TMED10: variants seen among roughly 807,000 people sequenced by gnomAD.
TMED10 encodes the protein transmembrane emp24 domain-containing protein 10.
Under a neutral mutation model 23.1 loss-of-function variants are expected in TMED10, and 7 were observed. The ratio of observed to expected loss-of-function variants is 0.30; its 90% CI spans 0.17 to 0.57. The LOEUF (loss-of-function observed/expected upper bound fraction) is 0.57, where lower values mean the gene tolerates loss of function less well. TMED10 is among the 20% of genes least tolerant of loss of function. The pLI, the probability that TMED10 is intolerant of heterozygous loss-of-function variation, is 0.91. For missense variants in TMED10, 162 were observed against 274.8 expected (o/e 0.59, Z 2.90); for synonymous variants, 113 against 106.9 (o/e 1.06, Z -0.35).
At chr14:75,137,514 TAA>T (rs1214366100) in intron 3 of TMED10, among the ~76,000 whole-genome samples, 1 of 135,418 alleles carries the variant, frequency 7.4e-6, no homozygotes, top group Non-Finnish European at 1.6e-5. Flanking sequence ...CTACTAAAAA[TAA>T]AAAAAAAAAA....
Position 75,131,945 on chromosome 14 carries a change from C to G in TMED10, c.*2940G>C, listed in dbSNP as rs1212519785. On this transcript the variant is annotated 3_prime_UTR_variant, in exon 5 of 5. Coordinates refer to ENST00000303575, the MANE Select transcript of TMED10 (RefSeq NM_006827.6). ...TCAACGAAATAAAATATTCTCTTCTCCTATCTTCTTGACATTTTGTCACAT... is the reference window on the plus strand; with the variant it reads ...TCAACGAAATAAAATATTCTCTTCTGCTATCTTCTTGACATTTTGTCACAT... The G allele has an allele frequency of 2.6e-5, 4 of 152,248 alleles. No homozygotes were observed. The highest frequency in any genetic ancestry group is 2.6e-4 in the Admixed American group (4 of 15,272). The allele number at this position is 152,248 out of a possible 1,614,324, so 9.4% of individuals were successfully genotyped here.
intron 1 of TMED10, among the ~76,000 whole-genome samples, chr14:75,158,307 A>C (rs146944404): frequency 3.3e-5 from 5 of 152,256 alleles, no homozygotes; most frequent in South Asian, 2.1e-4. Context: ...AAACTGAAAG[A>C]AGCAGCATAA....
chr14:75,156,349 C>T (rs953863178), intron 1 of TMED10, among the ~76,000 whole-genome samples: 2 of 151,526 alleles, frequency 1.3e-5, no homozygotes, highest in Admixed American at 1.3e-4. Context: ...TATGTAATTA[C>T]AAAAAAGTTT....
Position 75,134,703 on chromosome 14 carries a change from C to T in TMED10, c.*182G>A, listed in dbSNP as rs1199852914. ...AATCCTACCAAATTAAAAAGAAGTC[C>T]CTCATTGACTTGTTGGGTGTAGGTG... On this transcript the variant is annotated 3_prime_UTR_variant, in exon 5 of 5. Transcript: ENST00000303575. 5 of 658,380 alleles carry T rather than the reference C, an allele frequency of 7.6e-6. No individual in the cohort carries two copies. Among genetic ancestry groups the T allele is most frequent in the Non-Finnish European group, 9.9e-6 (4 of 403,952 alleles). The allele number at this position is 658,380 out of a possible 1,614,324, so 40.8% of individuals were successfully genotyped here.
At position 75,132,836 on chromosome 14, in the gene TMED10, C is replaced by T. The variant is rs1895704179; in HGVS notation, c.*2049G>A. Reference sequence around the variant, plus strand: ...TGTAATTCTTGCCACTGTGATTAAACAAGCCCTGTAATAGTCAGCAGGGTT... The same window carrying T: ...TGTAATTCTTGCCACTGTGATTAAATAAGCCCTGTAATAGTCAGCAGGGTT... On this transcript the variant is annotated 3_prime_UTR_variant, in exon 5 of 5. Coordinates refer to ENST00000303575, the MANE Select transcript of TMED10 (RefSeq NM_006827.6). 6.6e-6 allele frequency: 1 copy of T among 152,526 alleles called. No homozygotes were observed. Among genetic ancestry groups the T allele is most frequent in the Non-Finnish European group, 1.5e-5 (1 of 68,036 alleles). 9.4% of individuals were successfully genotyped at this position (152,526 alleles called of 1,614,324 possible).
intron 1 of TMED10, among the ~76,000 whole-genome samples, chr14:75,169,304 T>C (rs1896201031): frequency 6.6e-6 from 1 of 152,200 alleles, no homozygotes; most frequent in African/African-American, 2.4e-5. Context: ...GAGATGTTCC[T>C]AGACAGAAAG....
At chr14:75,143,151 G>A (rs993864823) in intron 3 of TMED10, among the ~76,000 whole-genome samples, 12 of 152,072 alleles carry the variant, frequency 7.9e-5, no homozygotes, top group Non-Finnish European at 1.3e-4. Context: ...GAGCCACCGC[G>A]CCCAGCCTGC....
chr14:75,162,669 A>C (rs535311342), intron 1 of TMED10, among the ~76,000 whole-genome samples: 22 of 152,196 alleles, frequency 1.4e-4, no homozygotes, highest in Non-Finnish European at 1.3e-4. Flanking sequence ...GAAAAAAGGA[A>C]AGAAAAGAAT....
chr14:75,169,891 T>C (rs2139861393), intron 1 of TMED10, among the ~76,000 whole-genome samples: 1 of 152,164 alleles, frequency 6.6e-6, no homozygotes, highest in South Asian at 2.1e-4. Context: ...GAAGCTAAAA[T>C]GATGCATAGG....
chr14:75,166,465 A>G (rs1275893759), intron 1 of TMED10, among the ~76,000 whole-genome samples: 1 of 152,190 alleles, frequency 6.6e-6, no homozygotes, highest in Non-Finnish European at 1.5e-5. Flanking sequence ...TTACCTTTAT[A>G]TATTTGTTCC....
At chr14:75,163,550 A>C (rs12897495) in intron 1 of TMED10, among the ~76,000 whole-genome samples, 1 of 93,814 alleles carries the variant, frequency 1.1e-5, no homozygotes, top group African/African-American at 4.9e-5. Flanking sequence ...GAGACTCCGT[A>C]TCAAAAAAAA....
chr14:75,139,151 C>T (rs1416979173), intron 3 of TMED10: 1 of 452,338 alleles, frequency 2.2e-6, no homozygotes, highest in Non-Finnish European at 4.4e-6. Flanking sequence ...CTTTCCACAC[C>T]TTTTCTTCTG....
chr14:75,163,552 CAAAAAAAA>C (rs758185921), intron 1 of TMED10, among the ~76,000 whole-genome samples: 1 of 60,758 alleles, frequency 1.6e-5, no homozygotes, highest in East Asian at 7.9e-4. Flanking sequence ...GACTCCGTAT[CAAAAAAAA>C]AAAAAAAAAA....
chr14:75,135,709 A>C, intron 4 of TMED10, 51 bp downstream of exon 4: 3 of 1,594,724 alleles, frequency 1.9e-6, no homozygotes, highest in Non-Finnish European at 2.6e-6. Flanking sequence ...AAGTTTGGAG[A>C]CTGTCTCATT....
intron 1 of TMED10, among the ~76,000 whole-genome samples, chr14:75,163,129 C>A (rs561026572): frequency 3.3e-5 from 5 of 151,930 alleles, no homozygotes; most frequent in African/African-American, 1.2e-4. Flanking sequence ...GTGGTCCCAG[C>A]TACTCAGAAG....
At position 75,134,999 on chromosome 14, in the gene TMED10, T is replaced by C. The variant is rs775115843; in HGVS notation, c.546A>G (p.Thr182=). 3 of 1,613,882 alleles carry C rather than the reference T, an allele frequency of 1.9e-6. No homozygotes were observed. The Admixed American group carries it at 5.0e-5, about 27-fold the overall frequency. ...TGCTGAAGTATAGGACCCGAGTGTTTGTTGACTCTAAAAAAAAACAAAAGC... is the reference window on the plus strand; with the variant it reads ...TGCTGAAGTATAGGACCCGAGTGTTCGTTGACTCTAAAAAAAAACAAAAGC... ...EEEMRDTNES[T]NTRVLYFSIF... is the part of the protein sequence containing the mutation. Residue 182 remains threonine (T), a synonymous_variant, in exon 5 of 5, where the codon ACA becomes ACG. Transcript: ENST00000303575.
chr14:75,157,684 A>C (rs1262820336), intron 1 of TMED10, among the ~76,000 whole-genome samples: 1 of 151,892 alleles, frequency 6.6e-6, no homozygotes, highest in African/African-American at 2.4e-5. Context: ...CACACCTGTA[A>C]TCCCAGCACT....
At chr14:75,154,733 G>A (rs1896001218) in intron 1 of TMED10, among the ~76,000 whole-genome samples, 1 of 151,832 alleles carries the variant, frequency 6.6e-6, no homozygotes, top group African/African-American at 2.4e-5. Flanking sequence ...ATGCGATCTC[G>A]GCTTACTGCA....
intron 1 of TMED10, among the ~76,000 whole-genome samples, chr14:75,154,575 C>G (rs926452618): frequency 8.6e-5 from 13 of 151,816 alleles, no homozygotes; most frequent in African/African-American, 2.7e-4. Flanking sequence ...TATGGCACAT[C>G]TTCTAAATTC....
Sources: allele counts gnomAD v4.1 joint callset (sites outside exome capture counted in the v4.1 genomes callset), GRCh38; gene constraint gnomAD v4.1.1; transcripts MANE v1.5; gene names NCBI Gene and HGNC (gene_info 2026-07-23, HGNC 2026-07-21).